The following MPP7 variants were observed in gnomAD, a reference collection of about 807,000 sequenced individuals.
MPP7 encodes MAGUK p55 subfamily member 7.
MPP7 carries 60 observed loss-of-function variants against 76.5 expected under a neutral mutation model. That is an observed-to-expected ratio of 0.78 (90% CI 0.64 to 0.97). MPP7 has a LOEUF of 0.97. Among genes scored for constraint, MPP7 ranks in the 50% least tolerant of loss-of-function variants. The pLI, the probability that MPP7 is intolerant of heterozygous loss-of-function variation, is 0.00. For synonymous variants in MPP7, 237 were observed against 244.5 expected (o/e 0.97, Z 0.29); for missense variants, 641 against 694.0 (o/e 0.92, Z 0.86).
At chr10:28,186,845 G>C (rs1027451668) in intron 3 of MPP7, among the ~76,000 whole-genome samples, 6 of 152,160 alleles carry the variant, frequency 3.9e-5, no homozygotes, top group Admixed American at 6.5e-5. Flanking sequence ...CTGTAGCCCA[G>C]AGACTCCACT....
At chr10:28,106,880 C>G (rs772383002) in intron 11 of MPP7, among the ~76,000 whole-genome samples, 8 of 152,114 alleles carry the variant, frequency 5.3e-5, no homozygotes, top group Non-Finnish European at 8.8e-5. Context: ...TCTAAAGAAA[C>G]CCATATTTCT....
intron 12 of MPP7, among the ~76,000 whole-genome samples, chr10:28,075,638 T>C (rs932039158): frequency 3.3e-5 from 5 of 152,192 alleles, no homozygotes; most frequent in Non-Finnish European, 2.9e-5. Flanking sequence ...CATCACGTGC[T>C]ACTTGCTCTT....
At chr10:28,259,527 C>T (rs972080831) in intron 1 of MPP7, among the ~76,000 whole-genome samples, 1 of 148,320 alleles carries the variant, frequency 6.7e-6, no homozygotes, top group Non-Finnish European at 1.5e-5. Context: ...TGAACCACTG[C>T]AGTGAGCCGA....
At chr10:28,274,277 T>G (rs1299730040) in intron 1 of MPP7, among the ~76,000 whole-genome samples, 1 of 151,692 alleles carries the variant, frequency 6.6e-6, no homozygotes, top group East Asian at 1.9e-4. Context: ...TAATTTTTTG[T>G]ATTTTTAGTA....
At chr10:28,272,952 T>G (rs11006974) in intron 1 of MPP7, among the ~76,000 whole-genome samples, 1 of 152,056 alleles carries the variant, frequency 6.6e-6, no homozygotes. Flanking sequence ...GAGTCTCACT[T>G]TGTCAGCCAG....
At chr10:28,280,747 C>A (rs1260653879) in intron 1 of MPP7, among the ~76,000 whole-genome samples, 1 of 152,004 alleles carries the variant, frequency 6.6e-6, no homozygotes, top group Non-Finnish European at 1.5e-5. Flanking sequence ...CAGCCAAGAC[C>A]CTGATCATCT....
At chr10:28,210,288 T>C (rs539379390) in intron 2 of MPP7, among the ~76,000 whole-genome samples, 2 of 152,328 alleles carry the variant, frequency 1.3e-5, no homozygotes, top group South Asian at 4.1e-4. Context: ...ACAAAAGTAA[T>C]CACAGTTTTT....
intron 2 of MPP7, among the ~76,000 whole-genome samples, chr10:28,323,705 A>T (rs1834386949): frequency 7.4e-6 from 1 of 134,698 alleles, no homozygotes; most frequent in Non-Finnish European, 1.6e-5. Context: ...TAAATAAATA[A>T]ATAAATAGAG....
chr10:28,075,554 G>A (rs1330808658), intron 12 of MPP7, among the ~76,000 whole-genome samples: 1 of 152,060 alleles, frequency 6.6e-6, no homozygotes, highest in Non-Finnish European at 1.5e-5. Flanking sequence ...CTCCTTCCTT[G>A]CACTGTACGC....
At chr10:28,318,220 C>T (rs900705468) in intron 2 of MPP7, among the ~76,000 whole-genome samples, 2 of 152,124 alleles carry the variant, frequency 1.3e-5, no homozygotes, top group Non-Finnish European at 2.9e-5. Context: ...TTTCCTCAAC[C>T]GTAACAGAGG....
chr10:28,233,474 G>A (rs569931128), intron 2 of MPP7, among the ~76,000 whole-genome samples: 17 of 152,160 alleles, frequency 1.1e-4, no homozygotes, highest in South Asian at 4.1e-4. Context: ...TTGGGAGGCC[G>A]AGGCAGGCGG....
chr10:28,143,563 G>A (rs1835596778), intron 5 of MPP7, among the ~76,000 whole-genome samples: 1 of 152,066 alleles, frequency 6.6e-6, no homozygotes, highest in African/African-American at 2.4e-5. Flanking sequence ...GTTTGTGTCT[G>A]TATGTGTGTA....
At chr10:28,159,049 C>G (rs1277530572) in intron 3 of MPP7, among the ~76,000 whole-genome samples, 2 of 152,088 alleles carry the variant, frequency 1.3e-5, no homozygotes, top group African/African-American at 4.8e-5. Flanking sequence ...GGAGGTGAGA[C>G]TCAGATCAGA....
In MPP7 at chr10:28,225,033, A is replaced by C. The variant is rs1402441467; in HGVS notation, c.37+13535T>G. ...AGTGATTTATTCTGCAAATAAACAC[A>C]AACTAGTGCTTCCCAGGATAAAAAC... is the stretch of plus-strand genomic sequence containing the variant. On this transcript the variant is annotated intron_variant, in intron 2 of 16. Coordinates refer to ENST00000683449, the MANE Select transcript of MPP7 (RefSeq NM_001318170.2). 2.0e-5 allele frequency among the ~76,000 whole-genome samples: 3 copies of C among 152,356 alleles called. No individual in the cohort carries two copies. In the East Asian group the frequency reaches 5.8e-4, roughly 29 times the overall value.
intron 2 of MPP7, among the ~76,000 whole-genome samples, chr10:28,325,996 AT>A (rs1164605925): frequency 2.1e-5 from 3 of 146,246 alleles, no homozygotes; most frequent in African/African-American, 2.5e-5. Context: ...AAAAAAAAAA[AT>A]TCCTTAAAGA....
intron 4 of MPP7, among the ~76,000 whole-genome samples, chr10:28,149,543 CCTGT>C (rs199821809): frequency 0.016 from 2,487 of 152,244 alleles, 63 homozygotes; most frequent in African/African-American, 0.056. Flanking sequence ...TAAAAACAAT[CCTGT>C]CTTTTTATGT....
At chr10:28,146,397 G>GT (rs1463407972) in intron 5 of MPP7, among the ~76,000 whole-genome samples, 3 of 117,566 alleles carry the variant, frequency 2.6e-5, no homozygotes, top group South Asian at 6.7e-4. Context: ...TTTTTTTTTT[G>GT]TTTTTTTGTT....
intron 1 of MPP7, among the ~76,000 whole-genome samples, chr10:28,263,612 A>G (rs1444144982): frequency 7.0e-6 from 1 of 142,966 alleles, no homozygotes; most frequent in African/African-American, 2.8e-5. Flanking sequence ...TTGGCTGTGA[A>G]GCGTGACCAA....
intron 3 of MPP7, among the ~76,000 whole-genome samples, chr10:28,196,800 T>C (rs1177473112): frequency 6.6e-6 from 1 of 152,146 alleles, no homozygotes; most frequent in Non-Finnish European, 1.5e-5. Flanking sequence ...TCAGTGGCTC[T>C]TCCAACACTT....
Sources: gnomAD v4.1 joint callset for allele counts (sites outside exome capture counted in the v4.1 genomes callset) on GRCh38, gnomAD v4.1.1 for gene constraint, MANE v1.5 for transcripts, NCBI Gene and HGNC (gene_info 2026-07-23, HGNC 2026-07-21) for gene names.